RERE: variants seen among roughly 807,000 people sequenced by gnomAD.
RERE encodes arginine-glutamic acid dipeptide repeats.
RERE carries 40 observed loss-of-function variants against 146.1 expected under a neutral mutation model. The observed-to-expected ratio is 0.27, with a 90% CI of 0.21 to 0.36. The LOEUF is 0.36. RERE is among the 10% of genes least tolerant of loss of function. The pLI, the probability that RERE is intolerant of heterozygous loss-of-function variation, is 1.00. For missense variants in RERE, 1,933 were observed against 2,138.7 expected (o/e 0.90, Z 1.90); for synonymous variants, 1,003 against 866.0 (o/e 1.16, Z -2.78).
At chr1:8,709,461 C>T (rs1318892471) in intron 1 of RERE, among the ~76,000 whole-genome samples, 1 of 151,902 alleles carries the variant, frequency 6.6e-6, no homozygotes, top group Admixed American at 6.6e-5. Flanking sequence ...ACGGAAAATC[C>T]AAGCAATTCC....
chr1:8,602,847 C>T (rs572265388), intron 4 of RERE, among the ~76,000 whole-genome samples: 246 of 152,088 alleles, frequency 1.6e-3, no homozygotes, highest in Non-Finnish European at 1.9e-3. Flanking sequence ...AAAAAAAAAT[C>T]AATCTGACTT....
intron 1 of RERE, among the ~76,000 whole-genome samples, chr1:8,788,362 GTTTT>G (rs372484015): frequency 7.4e-6 from 1 of 134,768 alleles, no homozygotes; most frequent in Non-Finnish European, 1.6e-5. Context: ...TTATCAAGGA[GTTTT>G]TTTTTTTTTT....
chr1:8,600,079 T>C (rs1253009824), intron 4 of RERE, among the ~76,000 whole-genome samples: 1 of 152,224 alleles, frequency 6.6e-6, no homozygotes, highest in Non-Finnish European at 1.5e-5. Context: ...TGGTAGAGAA[T>C]ACGTCTCACA....
At chr1:8,711,994 T>G (rs1480483726) in intron 1 of RERE, among the ~76,000 whole-genome samples, 1 of 152,192 alleles carries the variant, frequency 6.6e-6, no homozygotes, top group African/African-American at 2.4e-5. Flanking sequence ...TTTCAAAAAA[T>G]TAAATGAGTA....
intron 4 of RERE, among the ~76,000 whole-genome samples, chr1:8,570,984 T>C (rs1646214944): frequency 6.6e-6 from 1 of 152,334 alleles, no homozygotes; most frequent in Non-Finnish European, 1.5e-5. Context: ...AAATTTAAGG[T>C]ATCTTTCCAA....
Position 8,365,967 on chromosome 1 carries a change from A to G in RERE, c.1292T>C (p.Leu431Pro). 1 of 1,613,294 alleles carries G rather than the reference A, an allele frequency of 6.2e-7. No individual in the cohort carries two copies. Among genetic ancestry groups the G allele is most frequent in the East Asian group, 2.2e-5 (1 of 44,890 alleles). The change falls in exon 13 of 23, where the codon CTG (leucine) becomes CCG (proline). Residue 431 changes from leucine (L) to proline (P), a missense_variant. Leu to Pro is a moderately conservative substitution (Grantham distance 98). Transcript: ENST00000400908. ...CTTCCAATAGTAATAGAAGGTGATCAGCTCCCCCTGCAGAAGAGAAGGGCT... is the reference window on the plus strand; with the variant it reads ...CTTCCAATAGTAATAGAAGGTGATCGGCTCCCCCTGCAGAAGAGAAGGGCT... ...ELLPNKETGELITFYYYWKKT... is the reference protein window; with the variant it reads ...ELLPNKETGEPITFYYYWKKT...
chr1:8,680,036 T>C (rs550653625), intron 1 of RERE, among the ~76,000 whole-genome samples: 5 of 152,296 alleles, frequency 3.3e-5, no homozygotes, highest in South Asian at 4.1e-4. Context: ...ATAATCATCA[T>C]GGAATAGCTG....
At chr1:8,508,107 C>T (rs1355881908) in intron 8 of RERE, among the ~76,000 whole-genome samples, 2 of 152,114 alleles carry the variant, frequency 1.3e-5, no homozygotes, top group Non-Finnish European at 2.9e-5. Context: ...AACAGTGATA[C>T]GTACATACAA....
At position 8,354,315 on chromosome 1, in the gene RERE, C is replaced by G. The variant is rs890400606; in HGVS notation, c.*772G>C. The stretch of plus-strand genomic sequence containing the variant: ...GAAAACAGAGTCTGTAACATCGTCC[C>G]TGCAAACCCTGGATGCTCGCTGCTG... On this transcript the variant is annotated 3_prime_UTR_variant, in exon 23 of 23. Transcript: ENST00000400908. 5 of 152,666 alleles carry G rather than the reference C, an allele frequency of 3.3e-5. No individual in the cohort carries two copies. The highest frequency in any genetic ancestry group is 7.3e-5 in the Non-Finnish European group (5 of 68,060). 9.5% of individuals were successfully genotyped at this position (152,666 alleles called of 1,614,324 possible). A position where few individuals can be genotyped will look rare whatever the true frequency, so the allele number is the denominator to read the frequency against.
chr1:8,750,975 T>C, intron 1 of RERE: 3 of 684,998 alleles, frequency 4.4e-6, no homozygotes, highest in Non-Finnish European at 7.9e-6. Context: ...AAATATGGCA[T>C]CATCTGCATG....
chr1:8,357,031 A>G (rs1570016418), intron 20 of RERE, among the ~76,000 whole-genome samples: 1 of 151,772 alleles, frequency 6.6e-6, no homozygotes, highest in Non-Finnish European at 1.5e-5. Context: ...CCTTCTCGAA[A>G]CCGCCATACT....
At chr1:8,424,447 C>A (rs1477703187) in intron 11 of RERE, among the ~76,000 whole-genome samples, 1 of 152,218 alleles carries the variant, frequency 6.6e-6, no homozygotes, top group African/African-American at 2.4e-5. Flanking sequence ...TGAATTTCAC[C>A]CTTGCTGAGA....
intron 1 of RERE, among the ~76,000 whole-genome samples, chr1:8,728,410 T>C (rs1640013940): frequency 6.6e-6 from 1 of 151,024 alleles, no homozygotes; most frequent in Admixed American, 6.6e-5. Flanking sequence ...ATAGTAACTA[T>C]AGAAGTAGGG....
chr1:8,512,292 C>CA (rs1475795888), intron 7 of RERE, among the ~76,000 whole-genome samples: 3 of 151,888 alleles, frequency 2.0e-5, no homozygotes, highest in African/African-American at 7.3e-5. Flanking sequence ...CTCGGCCTCC[C>CA]AAAGTGCTGG....
At chr1:8,719,026 T>C (rs1639812250) in intron 1 of RERE, among the ~76,000 whole-genome samples, 1 of 152,166 alleles carries the variant, frequency 6.6e-6, no homozygotes, top group African/African-American at 2.4e-5. Flanking sequence ...TGGTAATTCA[T>C]TATTTGTCTG....
chr1:8,688,033 G>A (rs1639129167), intron 1 of RERE, among the ~76,000 whole-genome samples: 5 of 152,024 alleles, frequency 3.3e-5, no homozygotes, highest in Admixed American at 2.6e-4. Flanking sequence ...AACACAGATG[G>A]TCCCCAACTT....
chr1:8,587,374 T>C lies in RERE; in HGVS notation c.522+27187A>G, dbSNP rs1212199341. On this transcript the variant is annotated intron_variant, in intron 4 of 22. Transcript: ENST00000400908. Reference sequence around the variant, plus strand: ...GAGTTCCTTCCAGCCCCAGTGCATCTAATAATTACCTCAAATTATTCCACT... The same window carrying C: ...GAGTTCCTTCCAGCCCCAGTGCATCCAATAATTACCTCAAATTATTCCACT... Among the ~76,000 whole-genome samples the C allele has an allele frequency of 2.0e-5, 3 of 152,250 alleles. No individual in the cohort carries two copies. The South Asian group carries it at 6.2e-4, about 32-fold the overall frequency.
intron 8 of RERE, among the ~76,000 whole-genome samples, chr1:8,507,737 CTTTTTTTT>C (rs58647657): frequency 2.3e-5 from 2 of 85,958 alleles, no homozygotes; most frequent in Non-Finnish European, 4.1e-5. Context: ...CATCTTTTAT[CTTTTTTTT>C]TTTTTTTTTT....
At chr1:8,567,283 G>C (rs974849657) in intron 4 of RERE, among the ~76,000 whole-genome samples, 1 of 152,196 alleles carries the variant, frequency 6.6e-6, no homozygotes, top group Non-Finnish European at 1.5e-5. Flanking sequence ...ATCTGGGTCT[G>C]TGTGAAAGGA....
Sources: allele counts gnomAD v4.1 joint callset (sites outside exome capture counted in the v4.1 genomes callset), GRCh38; gene constraint gnomAD v4.1.1; transcripts MANE v1.5; gene names NCBI Gene and HGNC (gene_info 2026-07-23, HGNC 2026-07-21).